Variants in CHD5 observed in about 807,000 individuals in gnomAD.
CHD5 encodes the protein ATP-dependent chromatin remodeler CHD5.
Under a neutral mutation model 230.3 loss-of-function variants are expected in CHD5, and 69 were observed. That is an observed-to-expected ratio of 0.30 (90% confidence interval 0.25 to 0.37). The LOEUF (loss-of-function observed/expected upper bound fraction) is 0.37. Among genes scored for constraint, CHD5 ranks in the 10% least tolerant of loss-of-function variants. The probability of loss-of-function intolerance (pLI) is 1.00; values close to 1 mark genes in which losing one functional copy is unlikely to be tolerated. For missense variants in CHD5, 1,827 were observed against 2,622.8 expected (o/e 0.70, Z 6.63); for synonymous variants, 1,064 against 1,065.9 (o/e 1.00, Z 0.03).
At position 6,125,243 on chromosome 1, in the gene CHD5, T is replaced by A; in HGVS notation, c.4261-10A>T. ...CATTGAAGCCCAGCACCTGGGCGAG[T>A]GGAGCGTGGGAGTATGAGCCCAGGA... is the stretch of plus-strand genomic sequence containing the variant. On this transcript the variant is annotated splice_polypyrimidine_tract_variant and intron_variant, in intron 28 of 41. Transcript: ENST00000262450. The surrounding 1 kb of genome is among the most constrained non-coding windows in gnomAD (Gnocchi z 6.7). 6.4e-7 allele frequency: 1 copy of A among 1,557,902 alleles called. No homozygotes were observed. Among genetic ancestry groups the A allele is most frequent in the Non-Finnish European group, 8.6e-7 (1 of 1,162,162 alleles).
chr1:6,148,791 G>A (rs1571160235), intron 9 of CHD5, 63 bp downstream of exon 9: 2 of 1,364,510 alleles, frequency 1.5e-6, no homozygotes, highest in East Asian at 5.6e-5. Context: ...GCCTTCCCCT[G>A]GGGGCGGGGC....
chr1:6,106,248 AGCGCT>A lies in CHD5; in HGVS notation c.*27_*31del, dbSNP rs1335938629. On this transcript the variant is annotated 3_prime_UTR_variant, in exon 41 of 42. Coordinates refer to ENST00000262450, the MANE Select transcript of CHD5 (RefSeq NM_015557.3). ...GCAGCCCTCACCTCAGCTGGAAATG[AGCGCT>A]GCAACACAGGGAAGTCTCGAGGACG... 1 of 1,612,612 alleles carries A rather than the reference AGCGCT, an allele frequency of 6.2e-7. No individual in the cohort carries two copies. Among genetic ancestry groups the A allele is most frequent in the Non-Finnish European group, 8.5e-7 (1 of 1,179,928 alleles).
At chr1:6,144,381 G>A (rs1303929957) in intron 11 of CHD5, among the ~76,000 whole-genome samples, 1 of 152,184 alleles carries the variant, frequency 6.6e-6, no homozygotes, top group Admixed American at 6.5e-5. Context: ...AGAGGGACAC[G>A]GAGGCCAGCT....
chr1:6,175,619 G>C (rs1170185256), intron 1 of CHD5, among the ~76,000 whole-genome samples: 1 of 151,912 alleles, frequency 6.6e-6, no homozygotes, highest in Non-Finnish European at 1.5e-5. Context: ...ATGGATGAAT[G>C]AATGGTGGGA....
intron 1 of CHD5, among the ~76,000 whole-genome samples, chr1:6,173,292 GCC>G (rs1298624886): frequency 2.8e-4 from 43 of 151,896 alleles, no homozygotes; most frequent in African/African-American, 9.9e-4. Flanking sequence ...TTTTAGTAGA[GCC>G]AGGGTTTCAC....
At chr1:6,127,392 A>C (rs1666575795) in intron 25 of CHD5, among the ~76,000 whole-genome samples, 1 of 152,148 alleles carries the variant, frequency 6.6e-6, no homozygotes, top group Non-Finnish European at 1.5e-5. Flanking sequence ...GAGCTGAGGC[A>C]CGAGAATCAC....
intron 20 of CHD5, among the ~76,000 whole-genome samples, chr1:6,132,842 C>T (rs975532349): frequency 3.9e-5 from 6 of 152,014 alleles, no homozygotes; most frequent in Admixed American, 1.3e-4. Context: ...GGATCCTAAA[C>T]ACATCTATGT....
At position 6,125,595 on chromosome 1, in the gene CHD5, G is replaced by A. The variant is rs1465068123; in HGVS notation, c.4189C>T (p.Arg1397Trp). ...PEGQSGRRQSRRQLKSDRDKP... is the reference protein window; with the variant it reads ...PEGQSGRRQSWRQLKSDRDKP... ...TCCCTGTCACTCTTCAGCTGCCTCC[G>A]GGATTGTCGTCGTCCACCTGGGGAG... The change falls in exon 28 of 42, where the codon CGG (arginine) becomes TGG (tryptophan). Residue 1397 changes from arginine (R) to tryptophan (W), a missense_variant. Arg to Trp is a moderately radical substitution (Grantham distance 101, BLOSUM62 -3). Transcript: ENST00000262450. This position sits in a 1 kb window ranked among gnomAD's most constrained non-coding sequence, Gnocchi z 6.7. 3.7e-6 allele frequency: 6 copies of A among 1,608,072 alleles called. No homozygotes were observed. The highest frequency in any genetic ancestry group is 5.1e-6 in the Non-Finnish European group (6 of 1,177,070).
rs994036171 is a variant in CHD5, at chr1:6,121,411, C to T, written c.4779+83G>A. 8.1e-6 allele frequency: 12 copies of T among 1,485,906 alleles called. 1 individual carries two copies. In the South Asian group the frequency reaches 1.1e-4, roughly 13 times the overall value. 92.0% of individuals were successfully genotyped at this position (1,485,906 alleles called of 1,614,324 possible). A position where few individuals can be genotyped will look rare whatever the true frequency, so the allele number is the denominator to read the frequency against. ...GAGCCAGGAGGCCTGGGTTCCACCT[C>T]GCTGTACAGGGCCTGAGAAGGTCCC... is the stretch of plus-strand genomic sequence containing the variant. On this transcript the variant is annotated intron_variant, in intron 32 of 41. Coordinates refer to ENST00000262450, the MANE Select transcript of CHD5 (RefSeq NM_015557.3). This position sits in a 1 kb window ranked among gnomAD's most constrained non-coding sequence, Gnocchi z 4.5.
chr1:6,160,952 G>A (rs992722733), intron 2 of CHD5, among the ~76,000 whole-genome samples: 2 of 152,234 alleles, frequency 1.3e-5, no homozygotes, highest in Non-Finnish European at 2.9e-5. Context: ...GAGGGGCCGG[G>A]CAGCACTGCC....
intron 1 of CHD5, among the ~76,000 whole-genome samples, chr1:6,179,320 G>C (rs1234636378): frequency 2.0e-5 from 3 of 152,142 alleles, no homozygotes; most frequent in Non-Finnish European, 4.4e-5. Context: ...AAGTGCTTGG[G>C]AGCGGCGGTC....
intron 1 of CHD5, among the ~76,000 whole-genome samples, chr1:6,172,237 C>A (rs1667349769): frequency 1.3e-5 from 2 of 152,376 alleles, no homozygotes; most frequent in South Asian, 4.1e-4. Context: ...ACCTGCCAGG[C>A]TCGTGCCAGG....
intron 3 of CHD5, among the ~76,000 whole-genome samples, chr1:6,157,850 C>T (rs1044700474): frequency 2.0e-5 from 3 of 152,152 alleles, no homozygotes; most frequent in African/African-American, 4.8e-5. Context: ...CTGTCAGCCC[C>T]GCAGCGACGA....
Position 6,106,697 on chromosome 1 carries a change from CG to C in CHD5, c.5660del (p.Pro1887ArgfsTer14), listed in dbSNP as rs928253921. 6.2e-7 allele frequency: 1 copy of C among 1,611,556 alleles called. No individual in the cohort carries two copies. Among genetic ancestry groups the C allele is most frequent in the Non-Finnish European group, 8.5e-7 (1 of 1,179,612 alleles). ...RLPSMLSRIP[P>X]VAARLQMSER... ...CCGACATCTGCAGCCGGGCGGCCAC[CG>C]GGGGGATGCGGGACAGCATGGATGG... On this transcript the variant is annotated frameshift_variant, in exon 39 of 42. Transcript: ENST00000262450. LOFTEE classifies it high-confidence loss of function.
At chr1:6,133,026 C>T (rs1443950907) in intron 20 of CHD5, among the ~76,000 whole-genome samples, 1 of 152,128 alleles carries the variant, frequency 6.6e-6, no homozygotes, top group Non-Finnish European at 1.5e-5. Flanking sequence ...TCCCAAGTCG[C>T]TGAGATTACA....
intron 2 of CHD5, among the ~76,000 whole-genome samples, chr1:6,163,728 AG>A (rs1360068249): frequency 1.3e-5 from 2 of 152,204 alleles, no homozygotes; most frequent in Non-Finnish European, 2.9e-5. Flanking sequence ...AGCCACGTGC[AG>A]GGGAGGAGAC....
rs1287677359 is a variant in CHD5 at position 6,111,229 on chromosome 1, C to CA, written c.5249+545dup. Among the ~76,000 whole-genome samples, 884 of 107,514 alleles carry CA rather than the reference C, an allele frequency of 8.2e-3. 15 individuals are homozygous for CA. The highest frequency in any genetic ancestry group is 0.027 in the African/African-American group (802 of 29,858). 70.5% of individuals were successfully genotyped at this position (107,514 alleles called of 152,430 possible). A position where few individuals can be genotyped will look rare whatever the true frequency, so the allele number is the denominator to read the frequency against. On this transcript the variant is annotated intron_variant, in intron 36 of 41. Transcript: ENST00000262450. ...TAGGCCACAGAGCGAGACTCCATCT[C>CA]AAAAAAAAAAGAAAAAGAAAAAGGC... is the stretch of plus-strand genomic sequence containing the variant.
chr1:6,154,774 C>T lies in CHD5; in HGVS notation c.631G>A (p.Ala211Thr). Residue 211 changes from alanine to threonine, a missense_variant, in exon 5 of 42, where the codon GCG becomes ACG. Physicochemically the swap from Ala to Thr is moderately conservative, Grantham distance 58. Around this residue, in one of 14 missense-constraint regions of CHD5, gnomAD observed 657 missense variants for 816.4 expected, o/e 0.80. Coordinates refer to ENST00000262450, the MANE Select transcript of CHD5 (RefSeq NM_015557.3). This position sits in a 1 kb window ranked among gnomAD's most constrained non-coding sequence, Gnocchi z 7.0. ...FKGSSAAAAA[A>T]AVAAAVETVT... ...GTCTCTACAGCCGCAGCCACCGCCG[C>T]CGCCGCTGCTGCCGCGGAGCTGCCC... is the stretch of plus-strand genomic sequence containing the variant. The T allele has an allele frequency of 6.2e-7, 1 of 1,613,090 alleles. No homozygotes were observed. Among genetic ancestry groups the T allele is most frequent in the Non-Finnish European group, 8.5e-7 (1 of 1,179,850 alleles).
chr1:6,128,644 C>CCTG lies in CHD5; in HGVS notation c.3620-36_3620-35insCAG. Reference sequence around the variant, plus strand: ...AGAGAAGGAAAGCACTGGTGCAGGACCACAGAGGGCTGCAGGGTTGGCGGG... The same window carrying CCTG: ...AGAGAAGGAAAGCACTGGTGCAGGACCTGCACAGAGGGCTGCAGGGTTGGCGGG... On this transcript the variant is annotated intron_variant, in intron 23 of 41. Transcript: ENST00000262450. The surrounding 1 kb of genome is among the most constrained non-coding windows in gnomAD (Gnocchi z 7.8). 6.4e-7 allele frequency: 1 copy of CCTG among 1,551,642 alleles called. No homozygotes were observed. The highest frequency in any genetic ancestry group is 8.9e-7 in the Non-Finnish European group (1 of 1,125,242).
Sources: allele counts gnomAD v4.1 joint callset (sites outside exome capture counted in the v4.1 genomes callset), GRCh38; gene constraint gnomAD v4.1.1; regional missense constraint gnomAD v4.1.1; non-coding constraint Gnocchi (gnomAD v3.1); transcripts MANE v1.5; gene names NCBI Gene and HGNC (gene_info 2026-07-23, HGNC 2026-07-21).